The following GPLD1 variants were observed in gnomAD, a reference collection of about 807,000 sequenced individuals.
The protein encoded by GPLD1 is phosphatidylinositol-glycan-specific phospholipase D.
In GPLD1, 84 loss-of-function variants were observed where a neutral mutation model predicts 112.6. The ratio of observed to expected loss-of-function variants is 0.75; its 90% CI spans 0.63 to 0.89. The LOEUF (loss-of-function observed/expected upper bound fraction) is 0.89, where lower values mean the gene tolerates loss of function less well. GPLD1 is among the 40% of genes least tolerant of loss of function. The pLI is 0.00. For missense variants in GPLD1, 1,044 were observed against 1,051.5 expected (o/e 0.99, Z 0.10); for synonymous variants, 386 against 403.8 (o/e 0.96, Z 0.53).
intron 13 of GPLD1, among the ~76,000 whole-genome samples, chr6:24,454,678 A>G (rs1763209275): frequency 1.3e-5 from 2 of 152,266 alleles, no homozygotes; most frequent in African/African-American, 4.8e-5. Context: ...AGTGGGCCAA[A>G]TCAAGAGTCC....
intron 24 of GPLD1, among the ~76,000 whole-genome samples, chr6:24,430,618 G>A (rs138450788): frequency 4.7e-4 from 71 of 152,258 alleles, no homozygotes; most frequent in Non-Finnish European, 5.7e-4. Context: ...TTAAGTAGAC[G>A]CCGGATCCTA....
At chr6:24,471,731 T>C (rs537571102) in intron 7 of GPLD1, among the ~76,000 whole-genome samples, 30 of 152,212 alleles carry the variant, frequency 2.0e-4, no homozygotes, top group Non-Finnish European at 3.1e-4. Context: ...TCTTTCTTTT[T>C]ATTTAAGAGA....
chr6:24,468,291 G>A (rs1763683887), intron 7 of GPLD1, among the ~76,000 whole-genome samples: 1 of 152,276 alleles, frequency 6.6e-6, no homozygotes, highest in African/African-American at 2.4e-5. Context: ...AAATTCATGT[G>A]GGCAAAGGAC....
In GPLD1 at chr6:24,437,150, G is replaced by T. The variant is rs770505955; in HGVS notation, c.2160C>A (p.Gly720=). 12 of 1,614,178 alleles carry T rather than the reference G, an allele frequency of 7.4e-6. No homozygotes were observed. The South Asian group carries it at 1.2e-4, about 16-fold the overall frequency. ...SGDRRFSRFG[G]VLHLSDLDDD... Reference sequence around the variant, plus strand: ...CATCCAGGTCACTCAAGTGCAGAACGCCACCAAATCGGGAGAAGCGGCGGT... The same window carrying T: ...CATCCAGGTCACTCAAGTGCAGAACTCCACCAAATCGGGAGAAGCGGCGGT... The change falls in exon 21 of 25, where the codon GGC becomes GGA. Residue 720 remains glycine (G), a synonymous_variant. Coordinates refer to ENST00000230036, the MANE Select transcript of GPLD1 (RefSeq NM_001503.4).
chr6:24,427,420 T>G lies in GPLD1; in HGVS notation c.*1612A>C, dbSNP rs536628255. Reference sequence around the variant, plus strand: ...TCATGAGATGGCTTAAAACTAGCAGTGTCGCTAGGCTCTTTAGGTGTTAGA... The same window carrying G: ...TCATGAGATGGCTTAAAACTAGCAGGGTCGCTAGGCTCTTTAGGTGTTAGA... On this transcript the variant is annotated 3_prime_UTR_variant, in exon 25 of 25. Coordinates refer to ENST00000230036, the MANE Select transcript of GPLD1 (RefSeq NM_001503.4). Among the ~76,000 whole-genome samples the G allele has an allele frequency of 1.3e-5, 2 of 152,336 alleles. No individual in the cohort carries two copies. The highest frequency in any genetic ancestry group is 6.5e-5 in the Admixed American group (1 of 15,304).
At chr6:24,480,061 T>C (rs1764150264) in intron 2 of GPLD1, 102 bp from the exon 3 acceptor site, 1 of 717,522 alleles carries the variant, frequency 1.4e-6, no homozygotes, top group Non-Finnish European at 2.5e-6. Flanking sequence ...AATATGGGGG[T>C]ATAGATGGAA....
rs1451044970 is a variant in GPLD1, at chr6:24,428,206, T to C, written c.*826A>G. On this transcript the variant is annotated 3_prime_UTR_variant, in exon 25 of 25. Coordinates refer to ENST00000230036, the MANE Select transcript of GPLD1 (RefSeq NM_001503.4). ...ACTATGCTTTCTATTATACTTTGAT[T>C]GGCATGGGCCAATCTGTTATTTTTA... 2 of 151,138 alleles carry C rather than the reference T, an allele frequency of 1.3e-5. No individual in the cohort carries two copies. Among genetic ancestry groups the C allele is most frequent in the Non-Finnish European group, 2.9e-5 (2 of 67,842 alleles). The allele number at this position is 151,138 out of a possible 1,614,324, so 9.4% of individuals were successfully genotyped here.
At chr6:24,479,449 A>G (rs927905783) in intron 3 of GPLD1, among the ~76,000 whole-genome samples, 3 of 152,244 alleles carry the variant, frequency 2.0e-5, no homozygotes, top group Non-Finnish European at 2.9e-5. Context: ...ACTGTGCATT[A>G]ATGCCAAGGA....
At chr6:24,458,931 C>T (rs1004775259) in intron 12 of GPLD1, among the ~76,000 whole-genome samples, 2 of 151,986 alleles carry the variant, frequency 1.3e-5, no homozygotes, top group Admixed American at 6.6e-5. Context: ...TATATTAAAC[C>T]TAAACTAGGC....
upstream of GPLD1, chr6:24,495,277 G>GGGTGCGAGAGGCCCGCGC (rs1204593600): frequency 6.5e-7 from 1 of 1,532,768 alleles, no homozygotes; most frequent in Admixed American, 2.0e-5. Flanking sequence ...GCCGACTGCG[G>GGGTGCGAGAGGCCCGCGC]GGTGCGAGAG....
chr6:24,446,640 G>A (rs1762919448), intron 18 of GPLD1, among the ~76,000 whole-genome samples, 198 bp downstream of exon 18: 2 of 152,210 alleles, frequency 1.3e-5, no homozygotes, highest in South Asian at 4.1e-4. Flanking sequence ...CCAGAACTGT[G>A]AGAAAATAAT....
intron 20 of GPLD1, among the ~76,000 whole-genome samples, chr6:24,440,386 G>A (rs561591601): frequency 2.6e-5 from 4 of 152,198 alleles, no homozygotes; most frequent in Admixed American, 2.0e-4. Flanking sequence ...CAAGGTAACA[G>A]TGAGCTGTGA....
At chr6:24,457,672 G>A (rs913608729) in intron 12 of GPLD1, among the ~76,000 whole-genome samples, 1 of 152,064 alleles carries the variant, frequency 6.6e-6, no homozygotes, top group African/African-American at 2.4e-5. Context: ...CACAAGGTCA[G>A]GAGTTCGAGA....
chr6:24,491,640 G>A (rs1764563205), upstream of GPLD1, among the ~76,000 whole-genome samples: 1 of 151,950 alleles, frequency 6.6e-6, no homozygotes, highest in Non-Finnish European at 1.5e-5. Context: ...CCTGGGAAGT[G>A]AAGGTTGCAG....
exon 1 of GPLD1, chr6:24,495,088 TG>T: frequency 7.6e-7 from 1 of 1,322,690 alleles, no homozygotes; most frequent in Admixed American, 3.4e-5. Context: ...GCCGGCGGCC[TG>T]GTCCCTGCCT....
intron 1 of GPLD1, among the ~76,000 whole-genome samples, chr6:24,494,596 G>A (rs191888449): frequency 1.2e-4 from 18 of 152,296 alleles, no homozygotes; most frequent in Non-Finnish European, 2.6e-4. Flanking sequence ...CCGAATTTGG[G>A]GGATGCTAAG....
chr6:24,433,145 G>A, intron 24 of GPLD1, 42 bp downstream of exon 24: 1 of 1,352,420 alleles, frequency 7.4e-7, no homozygotes, highest in Non-Finnish European at 1.1e-6. Flanking sequence ...CCCACCCGTA[G>A]TACTAACATA....
At position 24,445,800 on chromosome 6, in the gene GPLD1, T is replaced by G; in HGVS notation, c.1852A>C (p.Lys618Gln). 6.2e-7 allele frequency: 1 copy of G among 1,613,678 alleles called. No individual in the cohort carries two copies. The highest frequency in any genetic ancestry group is 8.5e-7 in the Non-Finnish European group (1 of 1,179,772). ...CCATACACCCTCCCAAGGCTCTTTT[T>G]CTCATCTCGGATGTGTAACAAATGG... ...LGHLLHIRDE[K>Q]KSLGRVYGYF... The change falls in exon 19 of 25, where the codon AAA becomes CAA. Residue 618 changes from lysine to glutamine, a missense_variant. Lys to Gln is a moderately conservative substitution (Grantham distance 53). Transcript: ENST00000230036.
intron 2 of GPLD1, among the ~76,000 whole-genome samples, chr6:24,483,072 T>C (rs997735539): frequency 1.3e-5 from 2 of 152,054 alleles, no homozygotes; most frequent in African/African-American, 4.8e-5. Context: ...TTATGCCTGT[T>C]ATCCCAGCAC....
Sources: allele counts gnomAD v4.1 joint callset (sites outside exome capture counted in the v4.1 genomes callset), GRCh38; gene constraint gnomAD v4.1.1; transcripts MANE v1.5; gene names NCBI Gene and HGNC (gene_info 2026-07-23, HGNC 2026-07-21).